Variants in RAB2A observed in about 807,000 individuals in gnomAD.
RAB2A encodes the protein RAB2A, member RAS oncogene family, also known as ras-related protein Rab-2A.
A neutral mutation model predicts 32.5 loss-of-function variants in RAB2A; 7 were observed. The observed-to-expected ratio is 0.22, with a 90% CI of 0.12 to 0.40. The LOEUF (loss-of-function observed/expected upper bound fraction) is 0.40. Ranked by LOEUF, RAB2A falls within the 10% of genes least tolerant of loss-of-function variation. The pLI is 1.00. For missense variants in RAB2A, 108 were observed against 260.7 expected (o/e 0.41, Z 4.03); for synonymous variants, 79 against 85.2 (o/e 0.93, Z 0.40).
At chr8:60,579,723 G>T (rs1015269708) in intron 3 of RAB2A, among the ~76,000 whole-genome samples, 1 of 151,510 alleles carries the variant, frequency 6.6e-6, no homozygotes, top group Non-Finnish European at 1.5e-5. Flanking sequence ...CTCCTCCCAG[G>T]TTCACGCCAT....
At chr8:60,575,196 T>G (rs1265405899) in intron 3 of RAB2A, among the ~76,000 whole-genome samples, 1 of 148,606 alleles carries the variant, frequency 6.7e-6, no homozygotes, top group Non-Finnish European at 1.5e-5. Flanking sequence ...ACGCCTGGCC[T>G]CAAGCAATCC....
At chr8:60,556,643 A>T (rs1332822700) in intron 1 of RAB2A, among the ~76,000 whole-genome samples, 61 of 83,046 alleles carry the variant, frequency 7.3e-4, no homozygotes, top group African/African-American at 4.6e-3. Flanking sequence ...CTTTTTAATA[A>T]AAAAAAAAAA....
In RAB2A at chr8:60,568,064, G is replaced by A. The variant is rs77287413; in HGVS notation, c.119-3982G>A. Among the ~76,000 whole-genome samples the A allele has an allele frequency of 2.3e-3, 349 of 152,202 alleles. 3 individuals are homozygous for A. The highest frequency in any genetic ancestry group is 8.2e-3 in the African/African-American group (340 of 41,536). On this transcript the variant is annotated intron_variant, in intron 2 of 7. Transcript: ENST00000262646. ...TTATTTCTAGAATTAGGAAAAATCA[G>A]GCCACCTTCCCTCAAGTCTCCATTT...
At chr8:60,568,244 T>G (rs1808145385) in intron 2 of RAB2A, among the ~76,000 whole-genome samples, 1 of 152,158 alleles carries the variant, frequency 6.6e-6, no homozygotes, top group Non-Finnish European at 1.5e-5. Context: ...GTTCTAGCCT[T>G]GACATTACAA....
At chr8:60,534,333 C>T (rs1278932811) in intron 1 of RAB2A, among the ~76,000 whole-genome samples, 1 of 152,064 alleles carries the variant, frequency 6.6e-6, no homozygotes, top group Admixed American at 6.5e-5. Context: ...GTGGAATGTG[C>T]CTGTAGTCCT....
At chr8:60,591,258 C>T (rs1437232322) in intron 5 of RAB2A, among the ~76,000 whole-genome samples, 1 of 151,496 alleles carries the variant, frequency 6.6e-6, no homozygotes, top group Non-Finnish European at 1.5e-5. Context: ...TTCTAGCTTA[C>T]ACTTTCTCTC....
rs1803813895 is a variant in RAB2A at position 60,584,288 on chromosome 8, A to G, written c.267A>G (p.Thr89=). The stretch of plus-strand genomic sequence containing the variant: ...GAGCTTTACTAGTTTACGATATTAC[A>G]CGGTGAGAACTTGAAAACTTTGCAA... ...AAGALLVYDI[T]RRDTFNHLTT... is the part of the protein sequence containing the mutation. Residue 89 remains threonine (T), a splice_region_variant and synonymous_variant, in exon 4 of 8, where the codon ACA becomes ACG. Coordinates refer to ENST00000262646, the MANE Select transcript of RAB2A (RefSeq NM_002865.3). The G allele has an allele frequency of 1.3e-6, 2 of 1,589,888 alleles. No homozygotes were observed. Among genetic ancestry groups the G allele is most frequent in the African/African-American group, 1.3e-5 (1 of 74,366 alleles).
intron 4 of RAB2A, among the ~76,000 whole-genome samples, 161 bp from the exon 5 acceptor site, chr8:60,584,562 A>T (rs933693287): frequency 6.6e-5 from 10 of 152,272 alleles, no homozygotes; most frequent in African/African-American, 1.7e-4. Flanking sequence ...AAACTGAAAT[A>T]CAATCAGTGA....
At chr8:60,600,015 A>G (rs182215993) in intron 6 of RAB2A, among the ~76,000 whole-genome samples, 2 of 151,834 alleles carry the variant, frequency 1.3e-5, no homozygotes, top group Admixed American at 1.3e-4. Context: ...ACAAAAGACT[A>G]GTGGCTAGAA....
intron 1 of RAB2A, among the ~76,000 whole-genome samples, chr8:60,549,208 C>T (rs1045380684): frequency 3.3e-5 from 5 of 151,988 alleles, no homozygotes; most frequent in African/African-American, 2.4e-5. Context: ...GGCGGCCAGG[C>T]GGAGACGCTC....
In RAB2A at chr8:60,562,557, CTATAAAGTGAA is replaced by C. The variant is rs560064415; in HGVS notation, c.118+3636_118+3646del. Among the ~76,000 whole-genome samples the C allele has an allele frequency of 4.1e-3, 621 of 152,100 alleles. 3 individuals are homozygous for C. Among genetic ancestry groups the C allele is most frequent in the Middle Eastern group, 0.024 (7 of 294 alleles). On this transcript the variant is annotated intron_variant, in intron 2 of 7. Coordinates refer to ENST00000262646, the MANE Select transcript of RAB2A (RefSeq NM_002865.3). ...TTAAATTGAAATTTTATTTTAGATC[CTATAAAGTGAA>C]TGTAAATGTGCTCTATACATTCACT... is the stretch of plus-strand genomic sequence containing the variant.
At chr8:60,547,380 T>C (rs887568387) in intron 1 of RAB2A, among the ~76,000 whole-genome samples, 2 of 152,222 alleles carry the variant, frequency 1.3e-5, no homozygotes, top group South Asian at 2.1e-4. Context: ...ACCGCCATTG[T>C]CATCATGGCC....
At chr8:60,548,806 C>T (rs1807791570) in intron 1 of RAB2A, among the ~76,000 whole-genome samples, 1 of 149,182 alleles carries the variant, frequency 6.7e-6, no homozygotes, top group Admixed American at 6.6e-5. Flanking sequence ...GGGCGGCTGG[C>T]CGGGCGGGGG....
At chr8:60,525,854 T>C (rs918845635) in intron 1 of RAB2A, among the ~76,000 whole-genome samples, 4 of 151,406 alleles carry the variant, frequency 2.6e-5, no homozygotes, top group African/African-American at 7.3e-5. Context: ...TATTCCTCCT[T>C]GTTTCAAAAC....
intron 6 of RAB2A, among the ~76,000 whole-genome samples, chr8:60,598,904 A>G (rs973609619): frequency 1.4e-5 from 2 of 146,336 alleles, no homozygotes; most frequent in East Asian, 4.0e-4. Context: ...ATTAATCAAC[A>G]TATTGATGGA....
chr8:60,539,854 T>A (rs1393728747), intron 1 of RAB2A, among the ~76,000 whole-genome samples: 1 of 152,130 alleles, frequency 6.6e-6, no homozygotes, highest in Non-Finnish European at 1.5e-5. Context: ...AGGAAGGTAG[T>A]TGTCTGCTAA....
chr8:60,551,284 A>G (rs1160283408), intron 1 of RAB2A, among the ~76,000 whole-genome samples: 1 of 152,176 alleles, frequency 6.6e-6, no homozygotes, highest in Non-Finnish European at 1.5e-5. Context: ...CCCATTCCAC[A>G]AGTTTGTGAG....
chr8:60,608,123 A>AT (rs1174168951), intron 6 of RAB2A, among the ~76,000 whole-genome samples: 4 of 142,580 alleles, frequency 2.8e-5, no homozygotes, highest in Non-Finnish European at 4.5e-5. Flanking sequence ...TTGTTTTGGT[A>AT]TTTATTTTTA....
rs528882188 is a variant in RAB2A, at chr8:60,523,457, A to G, written c.46+6204A>G. The stretch of plus-strand genomic sequence containing the variant: ...CAGGCATGAGCCACCACGCCCGGCC[A>G]AGGACTCCACATTCTTACATATGTC... On this transcript the variant is annotated intron_variant, in intron 1 of 7. Coordinates refer to ENST00000262646, the MANE Select transcript of RAB2A (RefSeq NM_002865.3). Among the ~76,000 whole-genome samples the G allele has an allele frequency of 4.1e-4, 63 of 152,102 alleles. No homozygotes were observed. The Middle Eastern group carries it at 0.01, about 25-fold the overall frequency.
Sources: gnomAD v4.1 joint callset for allele counts (sites outside exome capture counted in the v4.1 genomes callset) on GRCh38, gnomAD v4.1.1 for gene constraint, MANE v1.5 for transcripts, NCBI Gene and HGNC (gene_info 2026-07-23, HGNC 2026-07-21) for gene names.